The following PTPRK variants were observed in gnomAD, a reference collection of about 807,000 sequenced individuals.
PTPRK encodes receptor-type tyrosine-protein phosphatase kappa.
Under a neutral mutation model 178.0 loss-of-function variants are expected in PTPRK, and 75 were observed. The ratio of observed to expected loss-of-function variants is 0.42; its 90% confidence interval spans 0.35 to 0.51. The LOEUF is 0.51. Ranked by LOEUF, PTPRK falls within the 20% of genes least tolerant of loss-of-function variation. PTPRK has a pLI of 0.02. For synonymous variants in PTPRK, 637 were observed against 620.6 expected, an observed-to-expected ratio of 1.03 and a Z score of -0.39; for missense variants, 1,441 against 1,797.8, an observed-to-expected ratio of 0.80 and a Z score of 3.59.
chr6:127,983,517 T>G, intron 22 of PTPRK, 140 bp from the exon 23 acceptor site: 2 of 799,944 alleles, frequency 2.5e-6, no homozygotes, highest in East Asian at 5.4e-5. Flanking sequence ...CCCTGCTGTG[T>G]AAAAGCTTAT....
chr6:128,273,369 A>G (rs543992786), intron 3 of PTPRK, among the ~76,000 whole-genome samples: 2 of 152,290 alleles, frequency 1.3e-5, no homozygotes, highest in African/African-American at 2.4e-5. Flanking sequence ...AAAAAAAGAA[A>G]AAAAAAGATG....
intron 15 of PTPRK, among the ~76,000 whole-genome samples, chr6:128,000,511 A>G (rs879739950): frequency 6.6e-6 from 1 of 152,018 alleles, no homozygotes; most frequent in East Asian, 1.9e-4. Flanking sequence ...TAACCACTCA[A>G]GTGAATTCAT....
At chr6:127,978,134 C>T (rs1307910442) in intron 25 of PTPRK, among the ~76,000 whole-genome samples, 1 of 152,136 alleles carries the variant, frequency 6.6e-6, no homozygotes, top group Non-Finnish European at 1.5e-5. Context: ...AATAATTTAC[C>T]TGGCTACTTC....
chr6:128,389,906 G>A (rs1424709967), intron 2 of PTPRK, among the ~76,000 whole-genome samples: 1 of 151,886 alleles, frequency 6.6e-6, no homozygotes, highest in Non-Finnish European at 1.5e-5. Context: ...ATGTCTGCGA[G>A]GGTAACAGTC....
At chr6:128,040,588 A>G (rs1485081897) in intron 13 of PTPRK, among the ~76,000 whole-genome samples, 1 of 152,124 alleles carries the variant, frequency 6.6e-6, no homozygotes, top group Non-Finnish European at 1.5e-5. Context: ...AATATGGAAC[A>G]TCTCTCACAT....
intron 1 of PTPRK, among the ~76,000 whole-genome samples, chr6:128,505,239 G>C (rs1030206496): frequency 2.0e-5 from 3 of 150,334 alleles, no homozygotes; most frequent in African/African-American, 4.9e-5. Flanking sequence ...GAGTAGCTGG[G>C]ACTACAGGCC....
chr6:128,229,947 A>T (rs1812021997), intron 5 of PTPRK, among the ~76,000 whole-genome samples: 1 of 151,996 alleles, frequency 6.6e-6, no homozygotes, highest in South Asian at 2.1e-4. Flanking sequence ...TCTTTTCATC[A>T]ACTAAACAAA....
intron 1 of PTPRK, among the ~76,000 whole-genome samples, chr6:128,420,644 T>G (rs17055850): frequency 0.053 from 7,999 of 152,206 alleles, 730 homozygotes; most frequent in African/African-American, 0.18. Flanking sequence ...TGTGAGCATT[T>G]AGAGAGCAGC....
intron 13 of PTPRK, among the ~76,000 whole-genome samples, chr6:128,010,509 T>C (rs1778936629): frequency 1.3e-5 from 2 of 151,366 alleles, no homozygotes; most frequent in Middle Eastern, 3.4e-3. Context: ...CCGCAACCCA[T>C]AGTTCTATAC....
intron 6 of PTPRK, among the ~76,000 whole-genome samples, chr6:128,208,869 G>A (rs911715397): frequency 3.9e-5 from 6 of 152,032 alleles, no homozygotes; most frequent in Admixed American, 3.3e-4. Context: ...CACCCCAATC[G>A]AAAGTTTACA....
rs1296108133 is a variant in PTPRK at position 128,426,788 on chromosome 6, A to C, written c.101-29100T>G. Among the ~76,000 whole-genome samples the C allele has an allele frequency of 4.6e-5, 7 of 152,156 alleles. No individual in the cohort carries two copies. The East Asian group carries it at 1.2e-3, about 25-fold the overall frequency. The stretch of plus-strand genomic sequence containing the variant: ...GTCTCTACATAAGGTCGACTTACAA[A>C]GTTTTTTTTCTTGATTTGCCTGAAA... On this transcript the variant is annotated intron_variant, in intron 1 of 29. Transcript: ENST00000368226.
intron 6 of PTPRK, among the ~76,000 whole-genome samples, chr6:128,212,873 A>T (rs971127116): frequency 6.6e-6 from 1 of 152,040 alleles, no homozygotes; most frequent in South Asian, 2.1e-4. Context: ...GACAAACACA[A>T]CTGCTGCACT....
intron 13 of PTPRK, among the ~76,000 whole-genome samples, chr6:128,041,229 T>G (rs577917205): frequency 8.5e-5 from 13 of 152,266 alleles, no homozygotes; most frequent in Non-Finnish European, 1.5e-4. Context: ...GAATATCATA[T>G]TCTATCTTTC....
At chr6:128,070,416 A>G (rs1232945217) in intron 11 of PTPRK, among the ~76,000 whole-genome samples, 1 of 152,052 alleles carries the variant, frequency 6.6e-6, no homozygotes, top group Non-Finnish European at 1.5e-5. Flanking sequence ...AGGGGCCCTC[A>G]CCAAGAACCA....
chr6:128,288,673 T>C (rs1260012728), intron 3 of PTPRK, among the ~76,000 whole-genome samples: 1 of 152,100 alleles, frequency 6.6e-6, no homozygotes, highest in Non-Finnish European at 1.5e-5. Flanking sequence ...AACAAGAACA[T>C]TTGAAACCTA....
intron 3 of PTPRK, among the ~76,000 whole-genome samples, chr6:128,245,342 A>C (rs1353774672): frequency 1.3e-5 from 2 of 152,164 alleles, no homozygotes; most frequent in Non-Finnish European, 2.9e-5. Context: ...ATGTTAAGTA[A>C]ATTTTAAATT....
chr6:128,434,155 T>C (rs549816600), intron 1 of PTPRK, among the ~76,000 whole-genome samples: 2 of 152,164 alleles, frequency 1.3e-5, no homozygotes, highest in South Asian at 4.1e-4. Context: ...GCCTCCAAAA[T>C]AGCCCAGGTG....
intron 7 of PTPRK, among the ~76,000 whole-genome samples, chr6:128,105,357 T>A (rs1789542458): frequency 6.6e-6 from 1 of 152,046 alleles, no homozygotes. Flanking sequence ...ATGGTCTTGA[T>A]CTCCTGACCT....
chr6:128,143,208 T>C (rs1285137904), intron 7 of PTPRK, among the ~76,000 whole-genome samples: 1 of 152,024 alleles, frequency 6.6e-6, no homozygotes, highest in Non-Finnish European at 1.5e-5. Context: ...GACACTAATA[T>C]AATAACTCAG....
Sources: allele counts gnomAD v4.1 joint callset (sites outside exome capture counted in the v4.1 genomes callset), GRCh38; gene constraint gnomAD v4.1.1; transcripts MANE v1.5; gene names NCBI Gene and HGNC (gene_info 2026-07-23, HGNC 2026-07-21).